USO1: variants seen among roughly 807,000 people sequenced by gnomAD.
USO1 encodes the protein USO1 vesicle transport factor.
USO1 carries 57 observed loss-of-function variants against 124.5 expected under a neutral mutation model. That is an observed-to-expected ratio of 0.46 (90% CI 0.37 to 0.57). USO1 has a LOEUF of 0.57. USO1 is among the 20% of genes least tolerant of loss of function. The pLI, the probability that USO1 is intolerant of heterozygous loss-of-function variation, is 0.00. For synonymous variants in USO1, 369 were observed against 362.8 expected (o/e 1.02, Z -0.19); for missense variants, 900 against 1,040.6 (o/e 0.86, Z 1.86).
intron 18 of USO1, 53 bp downstream of exon 18, chr4:75,804,325 A>G: frequency 6.4e-7 from 1 of 1,552,720 alleles, no homozygotes; most frequent in Non-Finnish European, 8.7e-7. Context: ...TCTTTCCTCA[A>G]GAGCTAGACA....
chr4:75,814,115 G>A lies in USO1; in HGVS notation c.*820G>A, dbSNP rs1387239955. The A allele has an allele frequency of 6.6e-6, 1 of 152,104 alleles. No individual in the cohort carries two copies. The highest frequency in any genetic ancestry group is 2.4e-5 in the African/African-American group (1 of 41,418). 9.4% of individuals were successfully genotyped at this position (152,104 alleles called of 1,614,324 possible). ...ATTAATATAATTTATTGGCATTTTT[G>A]CTGAATAGGTTTAAGTCAGATAATA... is the stretch of plus-strand genomic sequence containing the variant. On this transcript the variant is annotated 3_prime_UTR_variant, in exon 24 of 24. Coordinates refer to ENST00000514213, the MANE Select transcript of USO1 (RefSeq NM_003715.4).
intron 20 of USO1, among the ~76,000 whole-genome samples, chr4:75,807,728 TACTA>T (rs565831708): frequency 3.0e-4 from 46 of 152,310 alleles, no homozygotes; most frequent in Non-Finnish European, 2.6e-4. Context: ...GGAATTAAGT[TACTA>T]ATATATAGCC....
chr4:75,812,143 C>T lies in USO1; in HGVS notation c.2584-17C>T. On this transcript the variant is annotated splice_polypyrimidine_tract_variant and intron_variant, in intron 22 of 23. Transcript: ENST00000514213. ...GTGCTAATTTTAGATTCCTGCCTTT[C>T]ACCTTTCTTTTCCTAGAATGAAATT... The T allele has an allele frequency of 3.8e-6, 6 of 1,581,976 alleles. No homozygotes were observed. Among genetic ancestry groups the T allele is most frequent in the Non-Finnish European group, 5.2e-6 (6 of 1,163,406 alleles).
intron 10 of USO1, among the ~76,000 whole-genome samples, chr4:75,789,693 AAT>A (rs1278343627): frequency 6.6e-6 from 1 of 152,124 alleles, no homozygotes; most frequent in Non-Finnish European, 1.5e-5. Flanking sequence ...CATGTTTTGA[AAT>A]AGTCTTTTTA....
At chr4:75,736,006 T>C (rs915502164) in intron 1 of USO1, among the ~76,000 whole-genome samples, 3 of 152,242 alleles carry the variant, frequency 2.0e-5, no homozygotes, top group Non-Finnish European at 4.4e-5. Context: ...AGTTGTTAAA[T>C]GGATTGTTTG....
At chr4:75,741,751 C>T (rs866785740) in intron 1 of USO1, among the ~76,000 whole-genome samples, 1 of 151,944 alleles carries the variant, frequency 6.6e-6, no homozygotes, top group South Asian at 2.1e-4. Flanking sequence ...ATTACAGGCA[C>T]CTGCCATCAT....
chr4:75,809,996 TCTC>T (rs1022922460), intron 21 of USO1, among the ~76,000 whole-genome samples: 2 of 152,216 alleles, frequency 1.3e-5, no homozygotes, highest in African/African-American at 2.4e-5. Flanking sequence ...TTCAGGAGTG[TCTC>T]CTCTAGCACT....
chr4:75,756,905 T>G (rs1226403198), intron 3 of USO1, among the ~76,000 whole-genome samples: 3 of 152,072 alleles, frequency 2.0e-5, no homozygotes, highest in Non-Finnish European at 4.4e-5. Context: ...TTTATATTTT[T>G]AAGTCTACTT....
intron 20 of USO1, among the ~76,000 whole-genome samples, chr4:75,807,444 C>G (rs1402191342): frequency 1.3e-5 from 2 of 151,920 alleles, no homozygotes; most frequent in African/African-American, 2.4e-5. Flanking sequence ...TCTTCCTTCT[C>G]TCTCCACTAA....
At chr4:75,796,382 C>A (rs2149185941) in intron 13 of USO1, among the ~76,000 whole-genome samples, 1 of 129,846 alleles carries the variant, frequency 7.7e-6, no homozygotes, top group African/African-American at 2.6e-5. Context: ...GTTGCCCAGA[C>A]TGGAGTGCAA....
intron 3 of USO1, among the ~76,000 whole-genome samples, chr4:75,753,854 G>C (rs1334798536): frequency 3.5e-5 from 5 of 144,548 alleles, no homozygotes; most frequent in African/African-American, 1.3e-4. Context: ...CATGATCTCA[G>C]CTCACTGCAA....
At chr4:75,790,053 A>C in intron 10 of USO1, 97 bp from the exon 11 acceptor site, 1 of 1,332,036 alleles carries the variant, frequency 7.5e-7, no homozygotes, top group Non-Finnish European at 9.8e-7. Context: ...ATAATAAAAA[A>C]AAAAACAAAA....
At position 75,796,095 on chromosome 4, in the gene USO1, TAC is replaced by T. The variant is rs556586973; in HGVS notation, c.1452+2204_1452+2205del. Among the ~76,000 whole-genome samples, 84 of 152,282 alleles carry T rather than the reference TAC, an allele frequency of 5.5e-4. 1 individual carries two copies. Among genetic ancestry groups the T allele is most frequent in the African/African-American group, 1.9e-3 (80 of 41,574 alleles). ...CATGATTTAACATGTGTCATTAACT[TAC>T]ACACACACATACATATTTTGCAGCT... On this transcript the variant is annotated intron_variant, in intron 13 of 23. Transcript: ENST00000514213.
intron 9 of USO1, among the ~76,000 whole-genome samples, chr4:75,785,955 C>T (rs1291537992): frequency 1.3e-5 from 2 of 152,070 alleles, no homozygotes; most frequent in African/African-American, 2.4e-5. Flanking sequence ...CAATGTAATC[C>T]TGACCTTCTC....
intron 19 of USO1, among the ~76,000 whole-genome samples, chr4:75,805,974 C>T (rs937822941): frequency 1.3e-5 from 2 of 151,914 alleles, no homozygotes; most frequent in African/African-American, 4.8e-5. Flanking sequence ...TAATAAATTG[C>T]TCGGTAAAAT....
chr4:75,760,116 G>A (rs559790476), intron 4 of USO1, among the ~76,000 whole-genome samples: 1 of 152,182 alleles, frequency 6.6e-6, no homozygotes, highest in South Asian at 2.1e-4. Context: ...GGAGGCTGAG[G>A]CAGTAGAATT....
chr4:75,727,683 A>G (rs772026082), intron 1 of USO1, among the ~76,000 whole-genome samples: 10 of 152,180 alleles, frequency 6.6e-5, no homozygotes, highest in East Asian at 1.9e-4. Context: ...CCTAGCTTCT[A>G]TATTATCATT....
intron 20 of USO1, among the ~76,000 whole-genome samples, chr4:75,807,306 T>C (rs324685): frequency 0.096 from 14,621 of 151,998 alleles, 868 homozygotes; most frequent in Middle Eastern, 0.17. Context: ...TCTTTCCTCC[T>C]CTCTTTTCTT....
At chr4:75,773,015 T>C (rs1721975380) in intron 7 of USO1, among the ~76,000 whole-genome samples, 1 of 152,164 alleles carries the variant, frequency 6.6e-6, no homozygotes, top group Non-Finnish European at 1.5e-5. Context: ...GGAGAATCGC[T>C]TGAACCTGGG....
Sources: allele counts gnomAD v4.1 joint callset (sites outside exome capture counted in the v4.1 genomes callset), GRCh38; gene constraint gnomAD v4.1.1; transcripts MANE v1.5; gene names NCBI Gene and HGNC (gene_info 2026-07-23, HGNC 2026-07-21).